The following GPC6 variants were observed in gnomAD, a reference collection of about 807,000 sequenced individuals.
GPC6 encodes the protein glypican 6, also known as glypican-6.
In GPC6, 14 loss-of-function variants were observed where a neutral mutation model predicts 55.2. The ratio of observed to expected loss-of-function variants is 0.25; its 90% CI spans 0.17 to 0.40. The LOEUF (loss-of-function observed/expected upper bound fraction) is 0.40, where lower values mean the gene tolerates loss of function less well. Ranked by LOEUF, GPC6 falls within the 10% of genes least tolerant of loss-of-function variation. The pLI, the probability that GPC6 is intolerant of heterozygous loss-of-function variation, is 1.00. For missense variants in GPC6, 641 were observed against 708.5 expected (o/e 0.90, Z 1.08); for synonymous variants, 278 against 259.6 (o/e 1.07, Z -0.68).
At chr13:94,171,069 G>A (rs1305177963) in intron 4 of GPC6, among the ~76,000 whole-genome samples, 2 of 152,136 alleles carry the variant, frequency 1.3e-5, no homozygotes, top group South Asian at 4.1e-4. Context: ...CATTGTCTTT[G>A]ATTCTTTTCA....
chr13:93,472,319 G>T (rs900381932), intron 1 of GPC6, among the ~76,000 whole-genome samples: 2 of 152,186 alleles, frequency 1.3e-5, no homozygotes, highest in Non-Finnish European at 2.9e-5. Flanking sequence ...GGCCTAGCAG[G>T]CTGCACTCAG....
chr13:93,643,608 G>C (rs1038234577), intron 2 of GPC6, among the ~76,000 whole-genome samples: 2 of 152,076 alleles, frequency 1.3e-5, no homozygotes, highest in African/African-American at 4.8e-5. Context: ...CCCATCTCTA[G>C]TGACAAGAAC....
At chr13:93,656,808 A>G (rs900293216) in intron 2 of GPC6, among the ~76,000 whole-genome samples, 3 of 152,116 alleles carry the variant, frequency 2.0e-5, no homozygotes, top group African/African-American at 7.2e-5. Flanking sequence ...ATACACCAAT[A>G]ACATCCAAGC....
At chr13:93,220,908 T>A in the GPC6 span, among the ~76,000 whole-genome samples, 5 of 152,196 alleles carry the variant, frequency 3.3e-5, no homozygotes, top group South Asian at 1.0e-3. Context: ...GTTTTTGTGA[T>A]GGGCTCTTAC....
At chr13:93,547,624 A>G (rs1335438964) in intron 2 of GPC6, among the ~76,000 whole-genome samples, 1 of 152,110 alleles carries the variant, frequency 6.6e-6, no homozygotes, top group Non-Finnish European at 1.5e-5. Flanking sequence ...CTAAGGGAGG[A>G]TGAATTCTTT....
In GPC6 at chr13:93,506,032, G is replaced by C. The variant is rs139167398; in HGVS notation, c.161-39231G>C. ...TCTCCTGTTGTTGTCATTGGATACA[G>C]TTATTGCTGCCGAGGTTATGTCCTG... On this transcript the variant is annotated intron_variant, in intron 1 of 8. Coordinates refer to ENST00000377047, the MANE Select transcript of GPC6 (RefSeq NM_005708.5). Among the ~76,000 whole-genome samples, 27 of 152,278 alleles carry C rather than the reference G, an allele frequency of 1.8e-4. No homozygotes were observed. The East Asian group carries it at 5.2e-3, about 29-fold the overall frequency.
At chr13:94,246,678 A>T (rs987301096) in intron 4 of GPC6, among the ~76,000 whole-genome samples, 8 of 151,686 alleles carry the variant, frequency 5.3e-5, no homozygotes, top group African/African-American at 1.9e-4. Context: ...TATATGTTTA[A>T]ATTTATTTCT....
chr13:93,298,545 C>T (rs1594081160), intron 1 of GPC6, among the ~76,000 whole-genome samples: 1 of 152,162 alleles, frequency 6.6e-6, no homozygotes, highest in Non-Finnish European at 1.5e-5. Context: ...AGCGATCCTC[C>T]CATCTCAGCC....
intron 4 of GPC6, among the ~76,000 whole-genome samples, chr13:94,139,938 T>G (rs1269182821): frequency 6.6e-6 from 1 of 152,182 alleles, no homozygotes; most frequent in Admixed American, 6.6e-5. Context: ...ATGGAAATGT[T>G]TATTTTTTAT....
chr13:93,642,176 T>C (rs1927685), intron 2 of GPC6, among the ~76,000 whole-genome samples: 72,629 of 151,878 alleles, frequency 0.48, 19,905 homozygotes, highest in Middle Eastern at 0.68. Context: ...CCAGTATCTA[T>C]TGTTTCCCAT....
At chr13:94,071,274 A>C (rs1884723854) in intron 4 of GPC6, among the ~76,000 whole-genome samples, 1 of 152,170 alleles carries the variant, frequency 6.6e-6, no homozygotes, top group African/African-American at 2.4e-5. Context: ...TTTAAAATTA[A>C]CTGAAAATTA....
chr13:93,818,557 C>G (rs1249084932), intron 2 of GPC6: 1 of 152,096 alleles, frequency 6.6e-6, no homozygotes, highest in Non-Finnish European at 1.5e-5. Context: ...CATGGTATAC[C>G]CATCCTTCCC....
chr13:93,620,693 T>C (rs185443876), intron 2 of GPC6, among the ~76,000 whole-genome samples: 78 of 152,276 alleles, frequency 5.1e-4, no homozygotes, highest in Non-Finnish European at 1.0e-3. Flanking sequence ...GATTCTTCAT[T>C]TTATTGTGGT....
chr13:93,857,294 C>A (rs1888652176), intron 3 of GPC6, among the ~76,000 whole-genome samples: 2 of 151,508 alleles, frequency 1.3e-5, no homozygotes, highest in Admixed American at 1.3e-4. Flanking sequence ...TGGGAGATGA[C>A]AAACCATAAA....
chr13:93,270,818 A>G (rs1341943269), intron 1 of GPC6, among the ~76,000 whole-genome samples: 2 of 151,828 alleles, frequency 1.3e-5, no homozygotes, highest in East Asian at 3.9e-4. Flanking sequence ...CCTCTCCTTC[A>G]CTTCCATAGT....
At chr13:93,832,045 G>A (rs1314112962) in intron 3 of GPC6, among the ~76,000 whole-genome samples, 4 of 121,912 alleles carry the variant, frequency 3.3e-5, no homozygotes, top group East Asian at 2.6e-4. Context: ...AGCTGAGATC[G>A]AGCCTCTGCA....
chr13:94,257,162 C>T (rs1291740061), intron 4 of GPC6, among the ~76,000 whole-genome samples: 1 of 152,156 alleles, frequency 6.6e-6, no homozygotes, highest in Non-Finnish European at 1.5e-5. Context: ...TCCAGTATCA[C>T]CCTGGCCTGC....
At position 94,038,064 on chromosome 13, in the gene GPC6, T is replaced by A. The variant is rs1883404673; in HGVS notation, c.877+10170T>A. On this transcript the variant is annotated intron_variant, in intron 4 of 8. Transcript: ENST00000377047. ...GGCTAGTGTGCCTTAGAAACTAAAT[T>A]TTTTATTTACTTATTTTTTCCAGTT... Among the ~76,000 whole-genome samples, 5 of 152,064 alleles carry A rather than the reference T, an allele frequency of 3.3e-5. No homozygotes were observed. In the South Asian group the frequency reaches 1.0e-3, roughly 31 times the overall value.
chr13:93,622,741 T>C (rs1039497086), intron 2 of GPC6, among the ~76,000 whole-genome samples: 2 of 152,194 alleles, frequency 1.3e-5, no homozygotes, highest in African/African-American at 4.8e-5. Flanking sequence ...CTCAAAGATA[T>C]CATTTATTTG....
Sources: gnomAD v4.1 joint callset for allele counts (sites outside exome capture counted in the v4.1 genomes callset) on GRCh38, gnomAD v4.1.1 for gene constraint, MANE v1.5 for transcripts, NCBI Gene and HGNC (gene_info 2026-07-23, HGNC 2026-07-21) for gene names.